PCMT1: variants seen among roughly 807,000 people sequenced by gnomAD.
PCMT1 encodes the protein protein-L-isoaspartate (D-aspartate) O-methyltransferase.
Under a neutral mutation model 29.2 loss-of-function variants are expected in PCMT1, and 9 were observed. That is an observed-to-expected ratio of 0.31 (90% CI 0.19 to 0.54). The LOEUF is 0.54. PCMT1 is among the 20% of genes least tolerant of loss of function. The pLI, the probability that PCMT1 is intolerant of heterozygous loss-of-function variation, is 0.95. For missense variants in PCMT1, 184 were observed against 282.2 expected (o/e 0.65, Z 2.49); for synonymous variants, 98 against 97.5 (o/e 1.00, Z -0.03).
chr6:149,810,165 T>G (rs1776123792), intron 7 of PCMT1: 1 of 155,708 alleles, frequency 6.4e-6, no homozygotes, highest in Admixed American at 6.5e-5. Flanking sequence ...CTCAGAGCGC[T>G]TGGGTTGAGA....
At chr6:149,795,939 C>T (rs1200768286) in intron 5 of PCMT1, among the ~76,000 whole-genome samples, 3 of 152,086 alleles carry the variant, frequency 2.0e-5, no homozygotes, top group African/African-American at 4.8e-5. Flanking sequence ...GAGTGAGTCA[C>T]GTGCAGGGAG....
In PCMT1 at chr6:149,749,919, C is replaced by T; in HGVS notation, c.18C>T (p.Gly6=). MAWKS[G]GASHSELIHN... ...GCTTAGCGATGGCCTGGAAATCCGGCGGCGCCAGCCACTCGGAGCTAATCC... is the reference window on the plus strand; with the variant it reads ...GCTTAGCGATGGCCTGGAAATCCGGTGGCGCCAGCCACTCGGAGCTAATCC... The change falls in exon 1 of 8, where the codon GGC becomes GGT. Residue 6 remains glycine (G), a synonymous_variant. Transcript: ENST00000464889. The T allele has an allele frequency of 6.2e-7, 1 of 1,607,072 alleles. No homozygotes were observed. The highest frequency in any genetic ancestry group is 8.5e-7 in the Non-Finnish European group (1 of 1,177,728).
intron 1 of PCMT1, among the ~76,000 whole-genome samples, chr6:149,762,126 T>A (rs1786765863): frequency 6.6e-6 from 1 of 152,142 alleles, no homozygotes; most frequent in Non-Finnish European, 1.5e-5. Context: ...ATTTATCCTC[T>A]GTGCCCGTTT....
chr6:149,798,234 T>C (rs952470977), intron 6 of PCMT1: 3 of 150,272 alleles, frequency 2.0e-5, no homozygotes, highest in African/African-American at 7.3e-5. Flanking sequence ...ATTAATATAA[T>C]GTAGAAAATT....
chr6:149,757,736 G>A (rs1179355826), intron 1 of PCMT1, among the ~76,000 whole-genome samples: 1 of 152,070 alleles, frequency 6.6e-6, no homozygotes, highest in Non-Finnish European at 1.5e-5. Context: ...AAGAATGGTT[G>A]ACCATTTCAC....
At chr6:149,776,592 T>G (rs77615651) in intron 3 of PCMT1, among the ~76,000 whole-genome samples, 1 of 152,058 alleles carries the variant, frequency 6.6e-6, no homozygotes, top group Admixed American at 6.6e-5. Flanking sequence ...AATTTTTTTT[T>G]GTAGAGACAG....
At chr6:149,805,774 A>G (rs1403771748) in intron 7 of PCMT1, among the ~76,000 whole-genome samples, 1 of 145,772 alleles carries the variant, frequency 6.9e-6, no homozygotes, top group South Asian at 2.1e-4. Context: ...CATCTCTACT[A>G]AAAAAACAAT....
intron 3 of PCMT1, among the ~76,000 whole-genome samples, chr6:149,787,334 G>T (rs1489998840): frequency 6.6e-6 from 1 of 150,880 alleles, no homozygotes; most frequent in Non-Finnish European, 1.5e-5. Flanking sequence ...GAGCGGGAGC[G>T]GGAGCTGGCT....
chr6:149,764,267 T>G (rs1402922536), intron 1 of PCMT1, among the ~76,000 whole-genome samples: 1 of 152,220 alleles, frequency 6.6e-6, no homozygotes, highest in Non-Finnish European at 1.5e-5. Context: ...TGCTCTGTTA[T>G]CTTGGACTAC....
chr6:149,805,126 T>C (rs1775968336), intron 7 of PCMT1, among the ~76,000 whole-genome samples: 1 of 152,158 alleles, frequency 6.6e-6, no homozygotes, highest in Admixed American at 6.6e-5. Context: ...CCTCTAGTTC[T>C]GGCTACTTGG....
chr6:149,807,611 T>C (rs981891195), intron 7 of PCMT1, among the ~76,000 whole-genome samples: 2 of 152,270 alleles, frequency 1.3e-5, no homozygotes, highest in African/African-American at 4.8e-5. Context: ...CATCAAGTGA[T>C]CCACCCGCCT....
chr6:149,808,950 A>T (rs1045064813), intron 7 of PCMT1, among the ~76,000 whole-genome samples: 4 of 148,752 alleles, frequency 2.7e-5, no homozygotes, highest in Admixed American at 2.7e-4. Flanking sequence ...GTAGTAAATT[A>T]TTTAAAAATA....
At chr6:149,783,254 T>C (rs188673198) in intron 3 of PCMT1, among the ~76,000 whole-genome samples, 1 of 152,170 alleles carries the variant, frequency 6.6e-6, no homozygotes, top group East Asian at 1.9e-4. Context: ...TGCCTCAGCC[T>C]CCCAAATAGC....
intron 6 of PCMT1, among the ~76,000 whole-genome samples, chr6:149,801,740 G>C (rs954275893): frequency 2.0e-5 from 3 of 152,070 alleles, no homozygotes; most frequent in Non-Finnish European, 4.4e-5. Context: ...GAGCCACCGT[G>C]TCTGGCCTTA....
intron 3 of PCMT1, among the ~76,000 whole-genome samples, chr6:149,775,843 A>G (rs1251550132): frequency 6.6e-6 from 1 of 152,166 alleles, no homozygotes; most frequent in Non-Finnish European, 1.5e-5. Flanking sequence ...AGCCCAAAAG[A>G]AAATGTGTAA....
intron 1 of PCMT1, among the ~76,000 whole-genome samples, chr6:149,759,030 C>A (rs983194538): frequency 6.6e-6 from 1 of 152,156 alleles, no homozygotes; most frequent in Non-Finnish European, 1.5e-5. Context: ...GCACATGCCA[C>A]CATGCCCAGC....
intron 2 of PCMT1, among the ~76,000 whole-genome samples, chr6:149,771,579 C>G (rs180783698): frequency 4.6e-5 from 7 of 152,184 alleles, no homozygotes; most frequent in African/African-American, 1.7e-4. Context: ...TGCAGTGGCA[C>G]AATATCGGCT....
intron 3 of PCMT1, among the ~76,000 whole-genome samples, chr6:149,782,865 T>A (rs1036851462): frequency 1.3e-5 from 2 of 151,958 alleles, no homozygotes; most frequent in South Asian, 4.2e-4. Context: ...ATTTTAAAAA[T>A]CAGTATTTTG....
chr6:149,755,410 G>A (rs1159949457), intron 1 of PCMT1, among the ~76,000 whole-genome samples: 2 of 151,608 alleles, frequency 1.3e-5, no homozygotes, highest in Admixed American at 1.3e-4. Flanking sequence ...CTGGGTGATG[G>A]AGCAATACTT....
Sources: gnomAD v4.1 joint callset for allele counts (sites outside exome capture counted in the v4.1 genomes callset) on GRCh38, gnomAD v4.1.1 for gene constraint, MANE v1.5 for transcripts, NCBI Gene and HGNC (gene_info 2026-07-23, HGNC 2026-07-21) for gene names.